Variants in NUP153 observed in about 807,000 individuals in gnomAD.
NUP153 encodes nuclear pore complex protein Nup153.
NUP153 carries 27 observed loss-of-function variants against 134.6 expected under a neutral mutation model. The ratio of observed to expected loss-of-function variants is 0.20; its 90% CI spans 0.15 to 0.28. The LOEUF (loss-of-function observed/expected upper bound fraction) is 0.28, where lower values mean the gene tolerates loss of function less well. Ranked by LOEUF, NUP153 falls within the 10% of genes least tolerant of loss-of-function variation. The probability of loss-of-function intolerance (pLI) is 1.00; values close to 1 mark genes in which losing one functional copy is unlikely to be tolerated. For missense variants in NUP153, 1,821 were observed against 1,731.3 expected, an observed-to-expected ratio of 1.05 and a Z score of -0.92; for synonymous variants, 640 against 623.5, an observed-to-expected ratio of 1.03 and a Z score of -0.40.
intron 8 of NUP153, among the ~76,000 whole-genome samples, chr6:17,667,164 A>G (rs1363768524): frequency 1.3e-5 from 2 of 152,338 alleles, no homozygotes; most frequent in East Asian, 1.9e-4. Flanking sequence ...AGGGGTTGAG[A>G]AAAGCTAGTA....
intron 11 of NUP153, among the ~76,000 whole-genome samples, chr6:17,658,000 C>T (rs914264727): frequency 6.6e-6 from 1 of 152,168 alleles, no homozygotes; most frequent in African/African-American, 2.4e-5. Flanking sequence ...TTTTCTTATT[C>T]GAGTTCAAAA....
Position 17,624,690 on chromosome 6 carries a change from C to T in NUP153, c.4045G>A (p.Ala1349Thr). The change falls in exon 20 of 22, where the codon GCA becomes ACA. Residue 1349 changes from alanine (A) to threonine (T), a missense_variant. By Grantham distance (58) the Ala-to-Thr change is moderately conservative (BLOSUM62 0). Transcript: ENST00000262077. Reference sequence around the variant, plus strand: ...GGCTGAGAACCAGTGGGAAATAATGCTGTGGAAGATGATATAGATCCAAAG... The same window carrying T: ...GGCTGAGAACCAGTGGGAAATAATGTTGTGGAAGATGATATAGATCCAAAG... ...PGFGSISSST[A>T]LFPTGSQPAP... 1 of 1,614,128 alleles carries T rather than the reference C, an allele frequency of 6.2e-7. No individual in the cohort carries two copies. The highest frequency in any genetic ancestry group is 8.5e-7 in the Non-Finnish European group (1 of 1,180,032).
intron 2 of NUP153, among the ~76,000 whole-genome samples, chr6:17,677,446 C>G (rs1418624155): frequency 6.6e-6 from 1 of 152,118 alleles, no homozygotes; most frequent in Non-Finnish European, 1.5e-5. Context: ...GTGTTAGAAA[C>G]TTTAACCAAA....
intron 20 of NUP153, 115 bp from the exon 21 acceptor site, chr6:17,616,810 C>T: frequency 1.0e-6 from 1 of 985,802 alleles, no homozygotes; most frequent in Non-Finnish European, 1.5e-6. Context: ...AGTACAGTGG[C>T]ACAATCTTGG....
intron 11 of NUP153, among the ~76,000 whole-genome samples, 164 bp from the exon 12 acceptor site, chr6:17,649,464 T>C (rs1343397943): frequency 6.6e-6 from 1 of 152,210 alleles, no homozygotes; most frequent in Non-Finnish European, 1.5e-5. Context: ...ATCCCAGCTG[T>C]GCCACCAACC....
At chr6:17,667,049 T>A (rs1194507509) in intron 8 of NUP153, among the ~76,000 whole-genome samples, 1 of 152,246 alleles carries the variant, frequency 6.6e-6, no homozygotes, top group Non-Finnish European at 1.5e-5. Context: ...TAAACTTTTA[T>A]GGATACGATA....
At chr6:17,673,734 G>C (rs1333621150) in intron 5 of NUP153, among the ~76,000 whole-genome samples, 2 of 152,112 alleles carry the variant, frequency 1.3e-5, no homozygotes, top group Admixed American at 6.5e-5. Flanking sequence ...AGGATGAACA[G>C]CAACTCTTAT....
At position 17,637,318 on chromosome 6, in the gene NUP153, C is replaced by T. The variant is rs982274596; in HGVS notation, c.2299G>A (p.Ala767Thr). 2 of 1,614,186 alleles carry T rather than the reference C, an allele frequency of 1.2e-6. No homozygotes were observed. The highest frequency in any genetic ancestry group is 2.7e-5 in the African/African-American group (2 of 75,050). ...GAAGATGAAGCAGTCATAGTCTCAG[C>T]ACTTTCCGAAACCACTGTCAATGTA... Reference protein sequence around the residue: ...ALTLTVVSESAETMTASSSSC... With the variant: ...ALTLTVVSESTETMTASSSSC... The change falls in exon 16 of 22, where the codon GCT (alanine) becomes ACT (threonine). Residue 767 changes from alanine (A) to threonine (T), a missense_variant. Coordinates refer to ENST00000262077, the MANE Select transcript of NUP153 (RefSeq NM_005124.4).
At chr6:17,636,923 A>G (rs1217531015) in intron 16 of NUP153, among the ~76,000 whole-genome samples, 1 of 152,218 alleles carries the variant, frequency 6.6e-6, no homozygotes, top group African/African-American at 2.4e-5. Context: ...ATAAAACTGT[A>G]CAAAAAGAGG....
intron 12 of NUP153, 113 bp from the exon 13 acceptor site, chr6:17,648,018 T>C (rs530511772): frequency 1.2e-5 from 8 of 679,162 alleles, no homozygotes; most frequent in Middle Eastern, 7.4e-4. Flanking sequence ...TATTTTTTCC[T>C]TTTAAATTTA....
chr6:17,659,561 C>T (rs1438006704), intron 11 of NUP153, among the ~76,000 whole-genome samples: 2 of 152,180 alleles, frequency 1.3e-5, no homozygotes, highest in African/African-American at 4.8e-5. Context: ...CAACCTCCAC[C>T]TCCAGGGTTC....
intron 20 of NUP153, among the ~76,000 whole-genome samples, chr6:17,623,138 A>AC (rs1764735238): frequency 6.6e-6 from 1 of 151,840 alleles, no homozygotes. Flanking sequence ...TCAAAAAAAA[A>AC]AAAAAAAGAC....
intron 13 of NUP153, among the ~76,000 whole-genome samples, chr6:17,647,319 T>C (rs2113797273): frequency 6.6e-6 from 1 of 152,294 alleles, no homozygotes; most frequent in South Asian, 2.1e-4. Flanking sequence ...TTTTCTAGAT[T>C]AAAGGTAAAT....
At chr6:17,665,722 T>G (rs932550223) in intron 8 of NUP153, among the ~76,000 whole-genome samples, 2 of 151,516 alleles carry the variant, frequency 1.3e-5, no homozygotes, top group African/African-American at 2.4e-5. Context: ...TTACAGTTTT[T>G]TGTTTTTTTT....
At chr6:17,651,802 C>CA in intron 11 of NUP153, 1 of 561,856 alleles carries the variant, frequency 1.8e-6, no homozygotes, top group Non-Finnish European at 3.4e-6. Context: ...ATCCATGAAA[C>CA]AAAAATTGAG....
chr6:17,683,129 G>A (rs978800693), intron 2 of NUP153, among the ~76,000 whole-genome samples: 3 of 151,962 alleles, frequency 2.0e-5, no homozygotes, highest in African/African-American at 7.3e-5. Context: ...ATGGGGGCTG[G>A]AATCAACTTT....
At chr6:17,687,368 AAC>A (rs1768995783) in intron 2 of NUP153, among the ~76,000 whole-genome samples, 1 of 152,114 alleles carries the variant, frequency 6.6e-6, no homozygotes, top group Non-Finnish European at 1.5e-5. Context: ...AAAAGAAAAT[AAC>A]ACAGAGGCAG....
At chr6:17,691,134 C>T (rs964705244) in intron 1 of NUP153, among the ~76,000 whole-genome samples, 3 of 151,518 alleles carry the variant, frequency 2.0e-5, no homozygotes, top group Non-Finnish European at 2.9e-5. Context: ...AGAGCAAAAG[C>T]GAGACTCCGT....
chr6:17,665,721 T>G (rs1398813696), intron 8 of NUP153, among the ~76,000 whole-genome samples: 2 of 151,728 alleles, frequency 1.3e-5, no homozygotes, highest in Non-Finnish European at 2.9e-5. Context: ...TTTACAGTTT[T>G]TTGTTTTTTT....
Sources: allele counts gnomAD v4.1 joint callset (sites outside exome capture counted in the v4.1 genomes callset), GRCh38; gene constraint gnomAD v4.1.1; transcripts MANE v1.5; gene names NCBI Gene and HGNC (gene_info 2026-07-23, HGNC 2026-07-21).